SPIN1: variants seen among roughly 807,000 people sequenced by gnomAD.
SPIN1 encodes spindlin-1.
A neutral mutation model predicts 26.0 loss-of-function variants in SPIN1; 3 were observed. The observed-to-expected ratio is 0.12, with a 90% CI of 0.05 to 0.30. The LOEUF is 0.30. Ranked by LOEUF, SPIN1 falls within the 10% of genes least tolerant of loss-of-function variation. SPIN1 has a pLI of 1.00. For synonymous variants in SPIN1, 101 were observed against 116.5 expected (o/e 0.87, Z 0.86); for missense variants, 126 against 333.4 (o/e 0.38, Z 4.84).
chr9:88,400,610 C>A (rs1827165756), intron 1 of SPIN1, among the ~76,000 whole-genome samples: 1 of 152,156 alleles, frequency 6.6e-6, no homozygotes, highest in Non-Finnish European at 1.5e-5. Context: ...CTTTGGGAGG[C>A]CAAGGCAGGA....
At position 88,434,595 on chromosome 9, in the gene SPIN1, T is replaced by A. The variant is rs191355082; in HGVS notation, c.52+8004T>A. Reference sequence around the variant, plus strand: ...TACCCATTAACTTTTCTTTTTCTGCTTAACAATGTGGGTTAAGCAGTATGT... The same window carrying A: ...TACCCATTAACTTTTCTTTTTCTGCATAACAATGTGGGTTAAGCAGTATGT... On this transcript the variant is annotated intron_variant, in intron 2 of 5. Transcript: ENST00000375859. Among the ~76,000 whole-genome samples, 481 of 152,232 alleles carry A rather than the reference T, an allele frequency of 3.2e-3. 10 individuals are homozygous for A. In the South Asian group the frequency reaches 0.046, roughly 15 times the overall value.
At chr9:88,419,409 G>A (rs1468219517) in intron 1 of SPIN1, among the ~76,000 whole-genome samples, 1 of 152,188 alleles carries the variant, frequency 6.6e-6, no homozygotes, top group African/African-American at 2.4e-5. Flanking sequence ...CCATGCGTCA[G>A]GAATAAGAAC....
At chr9:88,473,578 T>C (rs1034652700) in intron 5 of SPIN1, among the ~76,000 whole-genome samples, 2 of 152,142 alleles carry the variant, frequency 1.3e-5, no homozygotes, top group African/African-American at 4.8e-5. Flanking sequence ...TGCAAGGGCG[T>C]CTGCAATTCT....
rs141278241 is a variant in SPIN1 at position 88,414,834 on chromosome 9, A to C, written c.-158-11548A>C. ...TCCTGTCCAAATCCATGGTCCTTAT[A>C]AATTTTGACCACGTATTACACTTGT... On this transcript the variant is annotated intron_variant, in intron 1 of 5. Coordinates refer to ENST00000375859, the MANE Select transcript of SPIN1 (RefSeq NM_006717.3). 1.5e-3 allele frequency among the ~76,000 whole-genome samples: 223 copies of C among 152,322 alleles called. 1 individual carries two copies. The highest frequency in any genetic ancestry group is 0.013 in the East Asian group (66 of 5,190).
At chr9:88,473,158 C>T (rs957821420) in intron 5 of SPIN1, among the ~76,000 whole-genome samples, 15 of 151,988 alleles carry the variant, frequency 9.9e-5, no homozygotes, top group African/African-American at 1.9e-4. Context: ...TTTGGGAGGC[C>T]GAGGCGGGCG....
intron 1 of SPIN1, among the ~76,000 whole-genome samples, chr9:88,389,103 G>A (rs1372795715): frequency 6.6e-6 from 1 of 152,106 alleles, no homozygotes; most frequent in Non-Finnish European, 1.5e-5. Flanking sequence ...CCGGGGGATG[G>A]CCGCGGACCT....
chr9:88,394,643 GT>G, intron 1 of SPIN1, among the ~76,000 whole-genome samples: 1 of 152,096 alleles, frequency 6.6e-6, no homozygotes, highest in Non-Finnish European at 1.5e-5. Flanking sequence ...TTTGGTTATG[GT>G]TTTTTCCTTA....
chr9:88,416,041 C>CCA (rs1827557587), intron 1 of SPIN1, among the ~76,000 whole-genome samples: 1 of 151,956 alleles, frequency 6.6e-6, no homozygotes, highest in South Asian at 2.1e-4. Context: ...CAGGCATGAG[C>CCA]CACCACGCCT....
At chr9:88,408,603 C>G (rs566514774) in intron 1 of SPIN1, among the ~76,000 whole-genome samples, 9 of 151,190 alleles carry the variant, frequency 6.0e-5, no homozygotes, top group Non-Finnish European at 1.3e-4. Context: ...TCTTGAACTC[C>G]TGACCTTATG....
chr9:88,443,594 A>G (rs182442177), intron 2 of SPIN1, among the ~76,000 whole-genome samples: 2 of 152,146 alleles, frequency 1.3e-5, no homozygotes, highest in Non-Finnish European at 2.9e-5. Flanking sequence ...TTCTCTGTTA[A>G]TACTGCTTTT....
Position 88,477,469 on chromosome 9 carries a change from A to G in SPIN1, c.*2192A>G, listed in dbSNP as rs1038870428. ...GTTTCTAGATGAATGCAACATGATG[A>G]TGGTGATGATGACGATGAGTTTAAT... On this transcript the variant is annotated 3_prime_UTR_variant, in exon 6 of 6. Coordinates refer to ENST00000375859, the MANE Select transcript of SPIN1 (RefSeq NM_006717.3). The G allele has an allele frequency of 2.6e-4, 40 of 152,152 alleles. No individual in the cohort carries two copies. The highest frequency in any genetic ancestry group is 9.4e-4 in the African/African-American group (39 of 41,436). 9.4% of individuals were successfully genotyped at this position (152,152 alleles called of 1,614,324 possible). A position where few individuals can be genotyped will look rare whatever the true frequency, so the allele number is the denominator to read the frequency against.
At chr9:88,469,975 C>G (rs1221006187) in intron 5 of SPIN1, among the ~76,000 whole-genome samples, 1 of 152,208 alleles carries the variant, frequency 6.6e-6, no homozygotes, top group Admixed American at 6.5e-5. Flanking sequence ...AGCTGTCAGT[C>G]CTTTATTCTT....
At chr9:88,422,941 C>A (rs958289746) in intron 1 of SPIN1, among the ~76,000 whole-genome samples, 1 of 152,142 alleles carries the variant, frequency 6.6e-6, no homozygotes, top group East Asian at 2.0e-4. Flanking sequence ...AACTCCTGAC[C>A]TCAGGTGATC....
At chr9:88,406,485 G>C (rs998356216) in intron 1 of SPIN1, among the ~76,000 whole-genome samples, 6 of 151,818 alleles carry the variant, frequency 4.0e-5, no homozygotes, top group Non-Finnish European at 8.8e-5. Context: ...GTAGAGACAG[G>C]GTTTCACCGT....
chr9:88,468,356 T>G lies in SPIN1; in HGVS notation c.356-16T>G. On this transcript the variant is annotated splice_polypyrimidine_tract_variant and intron_variant, in intron 4 of 5. Coordinates refer to ENST00000375859, the MANE Select transcript of SPIN1 (RefSeq NM_006717.3). ...AAACACTTTGTCAACTTTTTTTTTTTTTTTTTAATCCCCAGCGACATCTCG... is the reference window on the plus strand; with the variant it reads ...AAACACTTTGTCAACTTTTTTTTTTGTTTTTTAATCCCCAGCGACATCTCG... The G allele has an allele frequency of 1.3e-6, 2 of 1,521,970 alleles. No homozygotes were observed. The highest frequency in any genetic ancestry group is 1.8e-6 in the Non-Finnish European group (2 of 1,136,402). 94.3% of individuals were successfully genotyped at this position (1,521,970 alleles called of 1,614,324 possible).
At chr9:88,435,901 G>T (rs1564032053) in intron 2 of SPIN1, among the ~76,000 whole-genome samples, 1 of 152,100 alleles carries the variant, frequency 6.6e-6, no homozygotes, top group Non-Finnish European at 1.5e-5. Flanking sequence ...ATGTGTTTAT[G>T]TTGCTTTTCT....
intron 1 of SPIN1, among the ~76,000 whole-genome samples, chr9:88,414,686 A>G (rs562934730): frequency 3.3e-5 from 5 of 152,238 alleles, no homozygotes; most frequent in Admixed American, 3.3e-4. Context: ...AATATATGTG[A>G]TTTCTATTGT....
At chr9:88,437,404 G>A (rs1229240735) in intron 2 of SPIN1, among the ~76,000 whole-genome samples, 2 of 151,978 alleles carry the variant, frequency 1.3e-5, no homozygotes, top group Admixed American at 6.6e-5. Flanking sequence ...AGGTTGAGGC[G>A]GGAGGATGGC....
chr9:88,435,785 C>T (rs938778368), intron 2 of SPIN1, among the ~76,000 whole-genome samples: 14 of 151,928 alleles, frequency 9.2e-5, no homozygotes, highest in African/African-American at 3.4e-4. Context: ...TTCTTGAGTC[C>T]CTGGTCTCTC....
Sources: allele counts gnomAD v4.1 joint callset (sites outside exome capture counted in the v4.1 genomes callset), GRCh38; gene constraint gnomAD v4.1.1; transcripts MANE v1.5; gene names NCBI Gene and HGNC (gene_info 2026-07-23, HGNC 2026-07-21).